GNG7: variants seen among roughly 807,000 people sequenced by gnomAD.
GNG7 encodes the protein G protein subunit gamma 7.
A neutral mutation model predicts 4.0 loss-of-function variants in GNG7; 1 was observed. That is an observed-to-expected ratio of 0.25 (90% CI 0.09 to 1.18). GNG7 has a LOEUF of 1.18. Among genes scored for constraint, GNG7 ranks in the 50% most tolerant of loss-of-function variants. The pLI is 0.50. For synonymous variants in GNG7, 34 were observed against 36.9 expected (o/e 0.92, Z 0.29); for missense variants, 86 against 91.9 (o/e 0.94, Z 0.26).
At chr19:2,556,289 C>G (rs1434692515) in intron 2 of GNG7, among the ~76,000 whole-genome samples, 2 of 152,202 alleles carry the variant, frequency 1.3e-5, no homozygotes, top group African/African-American at 4.8e-5. Flanking sequence ...CCTAGCGGGG[C>G]TCACCCTGCA....
At chr19:2,577,700 CA>C (rs58623953) in intron 2 of GNG7, among the ~76,000 whole-genome samples, 617 of 108,344 alleles carry the variant, frequency 5.7e-3, no homozygotes, top group African/African-American at 0.016. Flanking sequence ...GATTCCATCT[CA>C]AAAAAAAAAA....
At chr19:2,544,387 G>A (rs537249403) in intron 3 of GNG7, among the ~76,000 whole-genome samples, 3 of 152,260 alleles carry the variant, frequency 2.0e-5, no homozygotes, top group Non-Finnish European at 2.9e-5. Context: ...GAGCACCCCC[G>A]GGAGCCATGA....
chr19:2,695,258 G>A (rs974789823), intron 1 of GNG7, among the ~76,000 whole-genome samples: 4 of 151,472 alleles, frequency 2.6e-5, no homozygotes, highest in African/African-American at 9.8e-5. Context: ...GTGGCCTCCT[G>A]TCTGGACCTT....
intron 3 of GNG7, among the ~76,000 whole-genome samples, chr19:2,553,658 TGCACACGTTAC>T: frequency 1.1e-5 from 1 of 92,300 alleles, no homozygotes; most frequent in East Asian, 2.6e-4. Flanking sequence ...ATTACATACA[TGCACACGTTAC>T]ATGTAATATG....
chr19:2,537,330 C>T (rs1453143154), intron 3 of GNG7, among the ~76,000 whole-genome samples: 5 of 152,122 alleles, frequency 3.3e-5, no homozygotes, highest in Non-Finnish European at 7.4e-5. Context: ...ACTGCAGCCT[C>T]CAACTCCCGG....
chr19:2,667,914 C>CA (rs1568279684), intron 1 of GNG7, among the ~76,000 whole-genome samples: 1 of 143,128 alleles, frequency 7.0e-6, no homozygotes, highest in South Asian at 2.3e-4. Context: ...CTCTGTCTCC[C>CA]AAAAAAAGAA....
intron 2 of GNG7, among the ~76,000 whole-genome samples, chr19:2,563,572 C>T (rs192204997): frequency 2.6e-5 from 4 of 152,134 alleles, no homozygotes; most frequent in Admixed American, 6.5e-5. Context: ...CTCTGACTCC[C>T]GGGTTCAAGT....
chr19:2,690,187 G>A (rs1470559336), intron 1 of GNG7, among the ~76,000 whole-genome samples: 1 of 151,950 alleles, frequency 6.6e-6, no homozygotes, highest in Non-Finnish European at 1.5e-5. Context: ...TTCGAGACCA[G>A]CCTGGCCAAC....
chr19:2,527,376 C>T (rs1037517555), intron 3 of GNG7, among the ~76,000 whole-genome samples: 1 of 152,210 alleles, frequency 6.6e-6, no homozygotes, highest in Non-Finnish European at 1.5e-5. Context: ...TCGCGCATCC[C>T]TCCAGGAAGG....
At chr19:2,536,993 C>T (rs1022472564) in intron 3 of GNG7, among the ~76,000 whole-genome samples, 1 of 150,624 alleles carries the variant, frequency 6.6e-6, no homozygotes, top group Admixed American at 6.6e-5. Context: ...GTCGCCCAGG[C>T]TGGAGTGCAG....
At chr19:2,539,060 G>A (rs940341496) in intron 3 of GNG7, among the ~76,000 whole-genome samples, 3 of 151,882 alleles carry the variant, frequency 2.0e-5, no homozygotes, top group Admixed American at 6.6e-5. Context: ...CGTGAGCCAC[G>A]GCACCCAGCC....
intron 3 of GNG7, among the ~76,000 whole-genome samples, chr19:2,537,880 A>G (rs1978795941): frequency 1.3e-5 from 2 of 152,186 alleles, no homozygotes; most frequent in Non-Finnish European, 2.9e-5. Flanking sequence ...GTTCCAGACC[A>G]GCCTGGCCAA....
At chr19:2,648,109 C>T (rs570925456) in intron 1 of GNG7, among the ~76,000 whole-genome samples, 26 of 149,682 alleles carry the variant, frequency 1.7e-4, no homozygotes, top group African/African-American at 3.7e-4. Flanking sequence ...AGAAAAAAAC[C>T]GTGAAACTGG....
At chr19:2,627,169 G>C (rs1982042300) in intron 2 of GNG7, among the ~76,000 whole-genome samples, 3 of 152,068 alleles carry the variant, frequency 2.0e-5, no homozygotes, top group Admixed American at 6.5e-5. Flanking sequence ...TATCCCAGAG[G>C]GTCTCAACCA....
intron 1 of GNG7, among the ~76,000 whole-genome samples, chr19:2,680,402 G>A (rs1568283140): frequency 6.6e-6 from 1 of 151,690 alleles, no homozygotes; most frequent in Non-Finnish European, 1.5e-5. Context: ...CACCCGCCTC[G>A]GTCTCCCAAA....
At chr19:2,684,103 C>T (rs1170053214) in intron 1 of GNG7, among the ~76,000 whole-genome samples, 1 of 150,278 alleles carries the variant, frequency 6.7e-6, no homozygotes, top group Non-Finnish European at 1.5e-5. Flanking sequence ...AGGTGGCTCA[C>T]TTGAGGTCAG....
At chr19:2,697,256 CT>C (rs1913288393) in intron 1 of GNG7, among the ~76,000 whole-genome samples, 1 of 152,186 alleles carries the variant, frequency 6.6e-6, no homozygotes, top group African/African-American at 2.4e-5. Flanking sequence ...AGCAGTAAGA[CT>C]TTTCCTTTTG....
chr19:2,615,426 C>A (rs904153961), intron 2 of GNG7, among the ~76,000 whole-genome samples: 1 of 149,736 alleles, frequency 6.7e-6, no homozygotes, highest in African/African-American at 2.5e-5. Context: ...CTTGGTGCCA[C>A]CTCATCCTAT....
intron 1 of GNG7, chr19:2,700,774 AG>A (rs1001191029): frequency 3.9e-5 from 6 of 152,204 alleles, no homozygotes; most frequent in African/African-American, 1.2e-4. Context: ...CCGCAGCGAG[AG>A]GCTGGGTCGG....
Sources: allele counts gnomAD v4.1 joint callset (sites outside exome capture counted in the v4.1 genomes callset), GRCh38; gene constraint gnomAD v4.1.1; transcripts MANE v1.5; gene names NCBI Gene and HGNC (gene_info 2026-07-23, HGNC 2026-07-21).